TMEM182: variants seen among roughly 807,000 people sequenced by gnomAD.
TMEM182 encodes the protein transmembrane protein 182.
A neutral mutation model predicts 26.8 loss-of-function variants in TMEM182; 20 were observed. The ratio of observed to expected loss-of-function variants is 0.75; its 90% CI spans 0.53 to 1.09. TMEM182 has a LOEUF of 1.09. TMEM182 is among the 50% of genes least tolerant of loss of function. The probability of loss-of-function intolerance (pLI) is 0.00; values close to 1 mark genes in which losing one functional copy is unlikely to be tolerated. For missense variants in TMEM182, 277 were observed against 275.5 expected, an observed-to-expected ratio of 1.01 and a Z score of -0.04; for synonymous variants, 109 against 102.2, an observed-to-expected ratio of 1.07 and a Z score of -0.40.
intron 3 of TMEM182, among the ~76,000 whole-genome samples, chr2:102,795,672 A>T (rs1052081478): frequency 1.3e-5 from 2 of 152,066 alleles, no homozygotes; most frequent in Non-Finnish European, 2.9e-5. Flanking sequence ...TGCATGTGCA[A>T]CTTGGGGGTG....
At chr2:102,832,428 C>A (rs1014624741) in intron 3 of TMEM182, among the ~76,000 whole-genome samples, 3 of 152,136 alleles carry the variant, frequency 2.0e-5, no homozygotes, top group African/African-American at 7.2e-5. Context: ...TCTTTGAAGG[C>A]CTTTGAAGTG....
intron 1 of TMEM182, among the ~76,000 whole-genome samples, chr2:102,749,325 G>A (rs1208439432): frequency 6.6e-6 from 1 of 152,080 alleles, no homozygotes; most frequent in East Asian, 1.9e-4. Context: ...CATCATAAAA[G>A]ACCACATATT....
intron 1 of TMEM182, among the ~76,000 whole-genome samples, chr2:102,742,634 A>G (rs1348676693): frequency 6.6e-6 from 1 of 152,218 alleles, no homozygotes; most frequent in Non-Finnish European, 1.5e-5. Context: ...CATATCCAAA[A>G]CACAGAAAAC....
chr2:102,746,482 A>T (rs756883738), intron 1 of TMEM182, among the ~76,000 whole-genome samples: 6 of 152,116 alleles, frequency 3.9e-5, no homozygotes, highest in Non-Finnish European at 5.9e-5. Flanking sequence ...TTTTGCTGTG[A>T]TATCTAAGGA....
intron 3 of TMEM182, among the ~76,000 whole-genome samples, chr2:102,787,335 G>T (rs1249213157): frequency 6.6e-6 from 1 of 152,212 alleles, no homozygotes; most frequent in African/African-American, 2.4e-5. Context: ...CTTCAGGGTT[G>T]CAGATGGCTT....
intron 1 of TMEM182, among the ~76,000 whole-genome samples, chr2:102,744,017 C>T (rs1679615086): frequency 1.3e-5 from 2 of 152,108 alleles, no homozygotes; most frequent in South Asian, 2.1e-4. Context: ...GACTTTAACA[C>T]CTCTCTATCA....
intron 4 of TMEM182, 118 bp downstream of exon 4, chr2:102,798,118 T>G: frequency 7.7e-7 from 1 of 1,299,274 alleles, no homozygotes; most frequent in Non-Finnish European, 1.0e-6. Context: ...AATATTTGTA[T>G]ACAATACTTC....
intron 1 of TMEM182, among the ~76,000 whole-genome samples, chr2:102,739,321 T>C (rs1679479817): frequency 6.6e-6 from 1 of 152,168 alleles, no homozygotes; most frequent in East Asian, 1.9e-4. Flanking sequence ...AGCCTACCAA[T>C]GATGAATACC....
chr2:102,760,834 G>A (rs2540302), upstream of TMEM182, among the ~76,000 whole-genome samples: 141,650 of 152,164 alleles, frequency 0.93, 65,961 homozygotes, highest in East Asian at 0.99. Context: ...TAGGCTCCTG[G>A]TCTCCACCCG....
chr2:102,814,548 A>G (rs1356331788), intron 4 of TMEM182, among the ~76,000 whole-genome samples, 200 bp from the exon 5 acceptor site: 2 of 152,236 alleles, frequency 1.3e-5, no homozygotes, highest in Non-Finnish European at 2.9e-5. Flanking sequence ...AGGCTACTAT[A>G]GCCCTCCTCT....
chr2:102,797,948 C>T lies in TMEM182; in HGVS notation c.417C>T (p.Pro139=). ...IASFLIICAA[P]FASHFLYKAG... is the part of the protein sequence containing the mutation. ...GCTTTTTGATCATCTGTGCAGCCCC[C>T]TTCGCCAGCCATTTTCTCTACAAAG... The change falls in exon 4 of 5, where the codon CCC becomes CCT. Residue 139 remains proline (P), a synonymous_variant. Coordinates refer to ENST00000412401, the MANE Select transcript of TMEM182 (RefSeq NM_144632.5). 1 of 1,614,052 alleles carries T rather than the reference C, an allele frequency of 6.2e-7. No individual in the cohort carries two copies. Among genetic ancestry groups the T allele is most frequent in the Non-Finnish European group, 8.5e-7 (1 of 1,180,006 alleles).
At chr2:102,831,539 C>T (rs573370419) in intron 3 of TMEM182, among the ~76,000 whole-genome samples, 10 of 152,018 alleles carry the variant, frequency 6.6e-5, no homozygotes, top group Admixed American at 5.2e-4. Context: ...GGCAGATCAC[C>T]TGAGGTTAGG....
chr2:102,779,960 G>A (rs557709595), intron 3 of TMEM182, among the ~76,000 whole-genome samples: 11 of 152,048 alleles, frequency 7.2e-5, no homozygotes, highest in East Asian at 5.8e-4. Context: ...CCGAGATTGC[G>A]TCATTGCACT....
At position 102,815,544 on chromosome 2, in the gene TMEM182, A is replaced by G; in HGVS notation, c.*576A>G. ...GGCCACAACAAACAAGACTGAGAGC[A>G]TGTACTTATCTTGCTTTTTCACCAA... is the stretch of plus-strand genomic sequence containing the variant. On this transcript the variant is annotated 3_prime_UTR_variant, in exon 5 of 5. Coordinates refer to ENST00000412401, the MANE Select transcript of TMEM182 (RefSeq NM_144632.5). 3.0e-6 allele frequency: 3 copies of G among 985,568 alleles called. No homozygotes were observed. The highest frequency in any genetic ancestry group is 5.2e-4 in the Middle Eastern group (1 of 1,914). The allele number at this position is 985,568 out of a possible 1,614,324, so 61.1% of individuals were successfully genotyped here. A position where few individuals can be genotyped will look rare whatever the true frequency, so the allele number is the denominator to read the frequency against.
At chr2:102,737,697 G>A (rs1480160208) in intron 1 of TMEM182, among the ~76,000 whole-genome samples, 1 of 152,226 alleles carries the variant, frequency 6.6e-6, no homozygotes, top group Non-Finnish European at 1.5e-5. Flanking sequence ...TTTATTCTGA[G>A]TGCAGTGAAA....
intron 4 of TMEM182, among the ~76,000 whole-genome samples, chr2:102,809,591 A>G (rs1341008653): frequency 2.0e-5 from 3 of 152,124 alleles, no homozygotes; most frequent in East Asian, 1.9e-4. Flanking sequence ...AGCTTAACCT[A>G]TGAGACTCGT....
At chr2:102,814,264 G>A (rs1051844763) in intron 4 of TMEM182, among the ~76,000 whole-genome samples, 11 of 151,968 alleles carry the variant, frequency 7.2e-5, no homozygotes, top group Non-Finnish European at 1.6e-4. Flanking sequence ...AGAAAGACCC[G>A]GGCTGAAAAT....
intron 4 of TMEM182, among the ~76,000 whole-genome samples, chr2:102,806,180 AT>A (rs565398790): frequency 6.6e-5 from 10 of 150,594 alleles, no homozygotes; most frequent in Admixed American, 5.3e-4. Flanking sequence ...AAGTTTTATA[AT>A]TTTTTTTTTC....
rs115087473 is a variant in TMEM182 at position 102,762,047 on chromosome 2, C to T, written c.-171C>T. 288 of 546,442 alleles carry T rather than the reference C, an allele frequency of 5.3e-4. No individual in the cohort carries two copies. Among genetic ancestry groups the T allele is most frequent in the African/African-American group, 5.1e-3 (265 of 52,218 alleles). 33.8% of individuals were successfully genotyped at this position (546,442 alleles called of 1,614,324 possible). On this transcript the variant is annotated 5_prime_UTR_variant, in exon 1 of 5. Transcript: ENST00000412401. ...AGGGAATATGAATCTGCCGGTGGGG[C>T]GTGAGCGAGAAGCCACCAAAACATG...
Sources: gnomAD v4.1 joint callset for allele counts (sites outside exome capture counted in the v4.1 genomes callset) on GRCh38, gnomAD v4.1.1 for gene constraint, MANE v1.5 for transcripts, NCBI Gene and HGNC (gene_info 2026-07-23, HGNC 2026-07-21) for gene names.